MARCHF1: variants seen among roughly 807,000 people sequenced by gnomAD.
MARCHF1 encodes the protein membrane associated ring-CH-type finger 1, also known as E3 ubiquitin-protein ligase MARCHF1.
In MARCHF1, 40 loss-of-function variants were observed where a neutral mutation model predicts 54.2. That is an observed-to-expected ratio of 0.74 (90% CI 0.57 to 0.96). The LOEUF (loss-of-function observed/expected upper bound fraction) is 0.96, where lower values mean the gene tolerates loss of function less well. Ranked by LOEUF, MARCHF1 falls within the 40% of genes least tolerant of loss-of-function variation. The pLI is 0.00. For synonymous variants in MARCHF1, 236 were observed against 236.3 expected (o/e 1.00, Z 0.01); for missense variants, 586 against 656.5 (o/e 0.89, Z 1.17).
chr4:163,631,483 G>A (rs146168057), intron 5 of MARCHF1, among the ~76,000 whole-genome samples: 326 of 152,244 alleles, frequency 2.1e-3, no homozygotes, highest in African/African-American at 7.3e-3. Flanking sequence ...ATGAGCCATG[G>A]CGCCAGGCCA....
rs185583240 is a variant in MARCHF1 at position 164,062,124 on chromosome 4, C to T, written c.-248+49464G>A. Among the ~76,000 whole-genome samples the T allele has an allele frequency of 5.8e-3, 885 of 152,308 alleles. 9 individuals carry two copies. Among genetic ancestry groups the T allele is most frequent in the Non-Finnish European group, 8.1e-3 (553 of 68,024 alleles). ...TGTTTCAACAAGGTTCATATTTTCACCAGAAATAGATTCCATCTCAGAGAA... is the reference window on the plus strand; with the variant it reads ...TGTTTCAACAAGGTTCATATTTTCATCAGAAATAGATTCCATCTCAGAGAA... On this transcript the variant is annotated intron_variant, in intron 2 of 9. Transcript: ENST00000514618.
rs779917586 is a variant in MARCHF1 at position 163,782,669 on chromosome 4, C to CAAAA, written c.111+71348_111+71351dup. ...CAGTGACAGAGTGAGACTCCATCTC[C>CAAAA]AAAAAAAAAAAAAAAAAAGAAAGAA... On this transcript the variant is annotated intron_variant, in intron 4 of 9. Coordinates refer to ENST00000514618, the MANE Select transcript of MARCHF1 (RefSeq NM_001394959.1). Among the ~76,000 whole-genome samples the CAAAA allele has an allele frequency of 1.5e-3, 158 of 108,334 alleles. 2 individuals carry two copies. The highest frequency in any genetic ancestry group is 5.5e-3 in the African/African-American group (145 of 26,130). The allele number at this position is 108,334 out of a possible 152,430, so 71.1% of individuals were successfully genotyped here. A position where few individuals can be genotyped will look rare whatever the true frequency, so the allele number is the denominator to read the frequency against.
chr4:163,535,407 A>C (rs1375082366), intron 9 of MARCHF1, among the ~76,000 whole-genome samples: 1 of 152,102 alleles, frequency 6.6e-6, no homozygotes, highest in Non-Finnish European at 1.5e-5. Flanking sequence ...ATTTCATGCC[A>C]AAGGTGAGCT....
chr4:163,581,611 A>T (rs1276514978), intron 8 of MARCHF1, among the ~76,000 whole-genome samples: 1 of 152,232 alleles, frequency 6.6e-6, no homozygotes, highest in Non-Finnish European at 1.5e-5. Context: ...CTTTTGAAAG[A>T]TGAATGCTAC....
intron 3 of MARCHF1, among the ~76,000 whole-genome samples, chr4:163,942,630 G>C (rs1751935811): frequency 6.6e-6 from 1 of 152,132 alleles, no homozygotes; most frequent in Admixed American, 6.5e-5. Context: ...AGTGATGGTA[G>C]AATATAGCAT....
At chr4:163,665,198 TC>T (rs1743488132) in intron 5 of MARCHF1, among the ~76,000 whole-genome samples, 1 of 152,050 alleles carries the variant, frequency 6.6e-6, no homozygotes, top group African/African-American at 2.4e-5. Flanking sequence ...ATGGGAAAAT[TC>T]CCATGTCACT....
chr4:163,688,625 A>AT (rs915300489), intron 5 of MARCHF1, among the ~76,000 whole-genome samples: 10 of 152,078 alleles, frequency 6.6e-5, no homozygotes, highest in South Asian at 4.1e-4. Context: ...AACCTCACAG[A>AT]TTTTTTTTAA....
At chr4:164,110,014 G>A (rs940047467) in intron 2 of MARCHF1, among the ~76,000 whole-genome samples, 12 of 149,716 alleles carry the variant, frequency 8.0e-5, no homozygotes, top group African/African-American at 2.7e-4. Context: ...TTCACACTTA[G>A]GAGCTGATAT....
chr4:163,724,518 C>G (rs921436171), intron 4 of MARCHF1, among the ~76,000 whole-genome samples: 1 of 152,142 alleles, frequency 6.6e-6, no homozygotes, highest in Non-Finnish European at 1.5e-5. Context: ...CTGGGAGAAC[C>G]ACTACTCTCT....
At chr4:164,152,849 A>G (rs935178749) in intron 1 of MARCHF1, among the ~76,000 whole-genome samples, 4 of 152,068 alleles carry the variant, frequency 2.6e-5, no homozygotes, top group Admixed American at 6.6e-5. Flanking sequence ...TCAACCAGAA[A>G]ATGTTTAAAT....
chr4:164,322,170 T>C (rs569260027), intron 1 of MARCHF1, among the ~76,000 whole-genome samples: 3 of 152,236 alleles, frequency 2.0e-5, no homozygotes, highest in Admixed American at 2.0e-4. Flanking sequence ...TAAAATTGAA[T>C]ATATTAATCA....
intron 3 of MARCHF1, among the ~76,000 whole-genome samples, chr4:163,920,597 G>C (rs2111361488): frequency 6.6e-6 from 1 of 152,228 alleles, no homozygotes. Flanking sequence ...GTTCCTCTTT[G>C]GTCCAGGGAG....
intron 3 of MARCHF1, among the ~76,000 whole-genome samples, chr4:163,948,147 C>T (rs1276894584): frequency 2.0e-5 from 3 of 152,160 alleles, no homozygotes; most frequent in African/African-American, 7.2e-5. Context: ...CTGATGACAA[C>T]AAGGGCACAA....
At chr4:163,637,339 C>G (rs1286480927) in intron 5 of MARCHF1, among the ~76,000 whole-genome samples, 2 of 152,056 alleles carry the variant, frequency 1.3e-5, no homozygotes, top group South Asian at 2.1e-4. Flanking sequence ...ATTTTTGCAA[C>G]CTACTCATCT....
At chr4:163,727,699 G>T (rs1341945038) in intron 4 of MARCHF1, among the ~76,000 whole-genome samples, 1 of 151,614 alleles carries the variant, frequency 6.6e-6, no homozygotes, top group Non-Finnish European at 1.5e-5. Flanking sequence ...TTGAGGCAGG[G>T]TCTCACTCTG....
chr4:163,529,103 A>ATTTTTTTTT, intron 9 of MARCHF1, 57 bp from the exon 10 acceptor site: 3 of 1,219,096 alleles, frequency 2.5e-6, no homozygotes, highest in Non-Finnish European at 3.4e-6. Flanking sequence ...GGATTTGGTC[A>ATTTTTTTTT]TTTTTTTTTT....
chr4:164,280,621 A>C (rs992906805), intron 1 of MARCHF1, among the ~76,000 whole-genome samples: 1 of 152,108 alleles, frequency 6.6e-6, no homozygotes, highest in African/African-American at 2.4e-5. Context: ...CATGTCAACT[A>C]AACCCAGAAA....
At chr4:163,857,117 A>G in intron 3 of MARCHF1, among the ~76,000 whole-genome samples, 1 of 151,456 alleles carries the variant, frequency 6.6e-6, no homozygotes, top group Non-Finnish European at 1.5e-5. Flanking sequence ...GAAAAAAAAA[A>G]AAACAAGGAA....
intron 2 of MARCHF1, among the ~76,000 whole-genome samples, chr4:164,072,707 A>T (rs1579511000): frequency 3.1e-4 from 2 of 6,550 alleles, no homozygotes; most frequent in South Asian, 5.6e-3. Context: ...TCTCTAGTAA[A>T]AAAAAAAAAA....
Sources: gnomAD v4.1 joint callset for allele counts (sites outside exome capture counted in the v4.1 genomes callset) on GRCh38, gnomAD v4.1.1 for gene constraint, MANE v1.5 for transcripts, NCBI Gene and HGNC (gene_info 2026-07-23, HGNC 2026-07-21) for gene names.